ADRA2C: variants seen among roughly 807,000 people sequenced by gnomAD.
ADRA2C encodes adrenoceptor alpha 2C.
A neutral mutation model predicts 7.9 loss-of-function variants in ADRA2C; 4 were observed. That is an observed-to-expected ratio of 0.51 (90% CI 0.25 to 1.16). The LOEUF (loss-of-function observed/expected upper bound fraction) is 1.16, where lower values mean the gene tolerates loss of function less well. Among genes scored for constraint, ADRA2C ranks in the 50% most tolerant of loss-of-function variants. The probability of loss-of-function intolerance (pLI) is 0.15; values close to 1 mark genes in which losing one functional copy is unlikely to be tolerated. For missense variants in ADRA2C, 589 were observed against 677.7 expected (o/e 0.87, Z 1.45); for synonymous variants, 368 against 328.9 (o/e 1.12, Z -1.29).
Position 3,767,889 on chromosome 4 carries a change from G to A in ADRA2C, c.1283G>A (p.Cys428Tyr), listed in dbSNP as rs1486770975. ...LFKFFFWIGY[C>Y]NSSLNPVIYT... ...AAGTTCTTCTTCTGGATCGGCTACT[G>A]CAACAGCTCGCTCAACCCGGTCATC... Residue 428 changes from cysteine (C) to tyrosine (Y), a missense_variant, in exon 1 of 1, where the codon TGC (cysteine) becomes TAC (tyrosine). Transcript: ENST00000330055. 3 of 1,612,424 alleles carry A rather than the reference G, an allele frequency of 1.9e-6. No homozygotes were observed. The highest frequency in any genetic ancestry group is 2.5e-6 in the Non-Finnish European group (3 of 1,179,864).
At position 3,767,545 on chromosome 4, in the gene ADRA2C, GGGCGCGGGC is replaced by G. The variant is rs1346646919; in HGVS notation, c.942_950del (p.Gly316_Ala318del). The G allele has an allele frequency of 1.8e-3, 1,908 of 1,047,200 alleles. 3 individuals carry two copies. The highest frequency in any genetic ancestry group is 2.1e-3 in the Non-Finnish European group (1,794 of 871,524). 64.9% of individuals were successfully genotyped at this position (1,047,200 alleles called of 1,614,324 possible). A position where few individuals can be genotyped will look rare whatever the true frequency, so the allele number is the denominator to read the frequency against. ...GGCGGCGGCGAGCGGGCGCGGAGGG[GGGCGCGGGC>G]GGTGCGGACGGGCAGGGGGCGGGGC... On this transcript the variant is annotated inframe_deletion, in exon 1 of 1. Transcript: ENST00000330055.
rs1210479678 is a variant in ADRA2C at position 3,767,508 on chromosome 4, TGCGGCGGGGCGGGCG to T, written c.909_923del (p.Gly304_Arg308del). 7.4e-6 allele frequency: 8 copies of T among 1,081,862 alleles called. No homozygotes were observed. The highest frequency in any genetic ancestry group is 9.0e-6 in the Non-Finnish European group (8 of 893,762). 67.0% of individuals were successfully genotyped at this position (1,081,862 alleles called of 1,614,324 possible). A position where few individuals can be genotyped will look rare whatever the true frequency, so the allele number is the denominator to read the frequency against. ...GAGAGGCGGCGGCGCCGGGGCGCGT[TGCGGCGGGGCGGGCG>T]GCGGCGAGCGGGCGCGGAGGGGGGC... On this transcript the variant is annotated inframe_deletion, in exon 1 of 1. Transcript: ENST00000330055.
Position 3,768,062 on chromosome 4 carries a change from G to GGGGTAGCTTTCCCAGAGACCC in ADRA2C, c.*70_*71insTAGCTTTCCCAGAGACCCGGG. The GGGGTAGCTTTCCCAGAGACCC allele has an allele frequency of 8.6e-7, 1 of 1,157,760 alleles. No homozygotes were observed. The highest frequency in any genetic ancestry group is 1.1e-6 in the Non-Finnish European group (1 of 879,324). The allele number at this position is 1,157,760 out of a possible 1,614,324, so 71.7% of individuals were successfully genotyped here. Reference sequence around the variant, plus strand: ...GCTGGGCAGAAGGGGCGGCCCGGACGGGGGAGCTTTCCCAGAGACCCGGGG... The same window carrying GGGGTAGCTTTCCCAGAGACCC: ...GCTGGGCAGAAGGGGCGGCCCGGACGGGGTAGCTTTCCCAGAGACCCGGGGAGCTTTCCCAGAGACCCGGGG... On this transcript the variant is annotated 3_prime_UTR_variant, in exon 1 of 1. Transcript: ENST00000330055.
Position 3,767,584 on chromosome 4 carries a change from G to A in ADRA2C, c.978G>A (p.Gly326=), listed in dbSNP as rs1357970237. 3 of 1,235,828 alleles carry A rather than the reference G, an allele frequency of 2.4e-6. No individual in the cohort carries two copies. The highest frequency in any genetic ancestry group is 1.6e-5 in the African/African-American group (1 of 62,836). The allele number at this position is 1,235,828 out of a possible 1,614,324, so 76.6% of individuals were successfully genotyped here. The change falls in exon 1 of 1, where the codon GGG becomes GGA. Residue 326 remains glycine, a synonymous_variant. Transcript: ENST00000330055. Reference sequence around the variant, plus strand: ...CGGACGGGCAGGGGGCGGGGCCGGGGGCGGCTGAGTCGGGGGCGCTGACCG... The same window carrying A: ...CGGACGGGCAGGGGGCGGGGCCGGGAGCGGCTGAGTCGGGGGCGCTGACCG... The part of the protein sequence containing the change: ...GGADGQGAGP[G]AAESGALTAS...
rs1326367731 is a variant in ADRA2C, at chr4:3,766,685, G to A, written c.79G>A (p.Gly27Ser). ...CAATGCGAGCGGCGCGGGCGAGAGG[G>A]GCAGCGGCGGGGTTGCCAATGCCTC... is the stretch of plus-strand genomic sequence containing the variant. ...GPNASGAGER[G>S]SGGVANASGA... The change falls in exon 1 of 1, where the codon GGC becomes AGC. Residue 27 changes from glycine (G) to serine (S), a missense_variant. By Grantham distance (56) the Gly-to-Ser change is moderately conservative. Transcript: ENST00000330055. This position sits in a 1 kb window ranked among gnomAD's most constrained non-coding sequence, Gnocchi z 4.5. The A allele has an allele frequency of 1.4e-6, 2 of 1,425,240 alleles. No individual in the cohort carries two copies. Among genetic ancestry groups the A allele is most frequent in the African/African-American group, 1.5e-5 (1 of 67,296 alleles). The allele number at this position is 1,425,240 out of a possible 1,614,324, so 88.3% of individuals were successfully genotyped here. A position where few individuals can be genotyped will look rare whatever the true frequency, so the allele number is the denominator to read the frequency against.
Position 3,767,690 on chromosome 4 carries a change from C to T in ADRA2C, c.1084C>T (p.Arg362Trp), listed in dbSNP as rs1170395344. 1.1e-5 allele frequency: 17 copies of T among 1,596,828 alleles called. No individual in the cohort carries two copies. The highest frequency in any genetic ancestry group is 1.4e-5 in the Non-Finnish European group (16 of 1,173,360). The part of the protein sequence containing the change: ...SVEFFLSRRR[R>W]ARSSVCRRKV... ...CGAGTTCTTCCTGTCGCGCCGGCGC[C>T]GGGCGCGCAGCAGCGTGTGCCGCCG... The change falls in exon 1 of 1, where the codon CGG becomes TGG. Residue 362 changes from arginine to tryptophan, a missense_variant. Physicochemically the swap from Arg to Trp is moderately radical, Grantham distance 101 (BLOSUM62 -3). Transcript: ENST00000330055.
rs1280720633 is a variant in ADRA2C, at chr4:3,766,732, G to A, written c.126G>A (p.Pro42=). 6.8e-7 allele frequency: 1 copy of A among 1,476,292 alleles called. No homozygotes were observed. Among genetic ancestry groups the A allele is most frequent in the South Asian group, 1.4e-5 (1 of 71,058 alleles). The allele number at this position is 1,476,292 out of a possible 1,614,324, so 91.4% of individuals were successfully genotyped here. A position where few individuals can be genotyped will look rare whatever the true frequency, so the allele number is the denominator to read the frequency against. The change falls in exon 1 of 1, where the codon CCG becomes CCA. Residue 42 remains proline, a synonymous_variant. Transcript: ENST00000330055. The surrounding 1 kb of genome is among the most constrained non-coding windows in gnomAD (Gnocchi z 4.5). The stretch of plus-strand genomic sequence containing the variant: ...CCTCGGGGGCTTCCTGGGGGCCGCC[G>A]CGCGGCCAGTACTCGGCGGGCGCGG... ...ANASGASWGP[P]RGQYSAGAVA...
rs1735498566 is a variant in ADRA2C at position 3,768,061 on chromosome 4, C to CA, written c.*66_*67insA. 8 of 1,557,020 alleles carry CA rather than the reference C, an allele frequency of 5.1e-6. No individual in the cohort carries two copies. The African/African-American group carries it at 5.4e-5, about 11-fold the overall frequency. On this transcript the variant is annotated 3_prime_UTR_variant, in exon 1 of 1. Transcript: ENST00000330055. ...GGCTGGGCAGAAGGGGCGGCCCGGA[C>CA]GGGGGAGCTTTCCCAGAGACCCGGG...
chr4:3,767,979 G>A lies in ADRA2C; in HGVS notation c.1373G>A (p.Arg458Lys), dbSNP rs550086408. The change falls in exon 1 of 1, where the codon AGG (arginine) becomes AAG (lysine). Residue 458 changes from arginine to lysine, a missense_variant. Transcript: ENST00000330055. The part of the protein sequence containing the change: ...FKHILFRRRR[R>K]GFRQ ...CACATCCTCTTCCGACGGAGGAGAAGGGGCTTCAGGCAGTGACTCGCACCC... is the reference window on the plus strand; with the variant it reads ...CACATCCTCTTCCGACGGAGGAGAAAGGGCTTCAGGCAGTGACTCGCACCC... 1.9e-4 allele frequency: 304 copies of A among 1,607,764 alleles called. 3 individuals carry two copies. The South Asian group carries it at 3.0e-3, about 16-fold the overall frequency.
Position 3,767,407 on chromosome 4 carries a change from G to A in ADRA2C, c.801G>A (p.Ala267=). The A allele has an allele frequency of 6.5e-7, 1 of 1,532,552 alleles. No individual in the cohort carries two copies. Among genetic ancestry groups the A allele is most frequent in the Non-Finnish European group, 8.7e-7 (1 of 1,144,604 alleles). The allele number at this position is 1,532,552 out of a possible 1,614,324, so 94.9% of individuals were successfully genotyped here. Residue 267 remains alanine (A), a synonymous_variant, in exon 1 of 1, where the codon GCG becomes GCA. Coordinates refer to ENST00000330055, the MANE Select transcript of ADRA2C (RefSeq NM_000683.4). The part of the protein sequence containing the change: ...SPTTENGLGA[A]AGAGENGHCA... ...CTACCGAAAACGGGCTGGGCGCGGC[G>A]GCAGGCGCAGGCGAGAACGGGCACT...
chr4:3,768,170 A>G lies in ADRA2C; in HGVS notation c.*175A>G. 1 of 744,514 alleles carries G rather than the reference A, an allele frequency of 1.3e-6. No homozygotes were observed. Among genetic ancestry groups the G allele is most frequent in the South Asian group, 1.5e-5 (1 of 65,344 alleles). The allele number at this position is 744,514 out of a possible 1,614,324, so 46.1% of individuals were successfully genotyped here. Reference sequence around the variant, plus strand: ...GATAGCCGGGCTCCAGGGAGTGGGGAGGAGAGAGGGGGAGACCCCTTTGCC... The same window carrying G: ...GATAGCCGGGCTCCAGGGAGTGGGGGGGAGAGAGGGGGAGACCCCTTTGCC... On this transcript the variant is annotated 3_prime_UTR_variant, in exon 1 of 1. Transcript: ENST00000330055.
rs1052924031 is a variant in ADRA2C at position 3,767,597 on chromosome 4, G to C, written c.991G>C (p.Gly331Arg). 7.8e-7 allele frequency: 1 copy of C among 1,288,640 alleles called. No homozygotes were observed. The highest frequency in any genetic ancestry group is 1.6e-5 in the African/African-American group (1 of 63,660). 79.8% of individuals were successfully genotyped at this position (1,288,640 alleles called of 1,614,324 possible). The change falls in exon 1 of 1, where the codon GGG (glycine) becomes CGG (arginine). Residue 331 changes from glycine to arginine, a missense_variant. By Grantham distance (125) the Gly-to-Arg change is moderately radical. Coordinates refer to ENST00000330055, the MANE Select transcript of ADRA2C (RefSeq NM_000683.4). ...QGAGPGAAES[G>R]ALTASRSPGP... Reference sequence around the variant, plus strand: ...GGCGGGGCCGGGGGCGGCTGAGTCGGGGGCGCTGACCGCCTCCAGGTCCCC... The same window carrying C: ...GGCGGGGCCGGGGGCGGCTGAGTCGCGGGCGCTGACCGCCTCCAGGTCCCC...
At position 3,766,570 on chromosome 4, in the gene ADRA2C, C is replaced by G; in HGVS notation, c.-37C>G. The G allele has an allele frequency of 1.8e-6, 2 of 1,139,008 alleles. No homozygotes were observed. Among genetic ancestry groups the G allele is most frequent in the African/African-American group, 1.6e-5 (1 of 60,966 alleles). 70.6% of individuals were successfully genotyped at this position (1,139,008 alleles called of 1,614,324 possible). A position where few individuals can be genotyped will look rare whatever the true frequency, so the allele number is the denominator to read the frequency against. On this transcript the variant is annotated 5_prime_UTR_variant, in exon 1 of 1. Transcript: ENST00000330055. The surrounding 1 kb of genome is among the most constrained non-coding windows in gnomAD (Gnocchi z 4.5). Reference sequence around the variant, plus strand: ...CGCCCGAGCTGCCGCGGCTGCGCCCCGGCTCCAGGAGGGACGGCGTAGCTC... The same window carrying G: ...CGCCCGAGCTGCCGCGGCTGCGCCCGGGCTCCAGGAGGGACGGCGTAGCTC...
chr4:3,767,647 C>G lies in ADRA2C; in HGVS notation c.1041C>G (p.Arg347=). 1 of 1,410,348 alleles carries G rather than the reference C, an allele frequency of 7.1e-7. No homozygotes were observed. The highest frequency in any genetic ancestry group is 9.2e-7 in the Non-Finnish European group (1 of 1,089,876). The allele number at this position is 1,410,348 out of a possible 1,614,324, so 87.4% of individuals were successfully genotyped here. Residue 347 remains arginine, a synonymous_variant, in exon 1 of 1, where the codon CGC becomes CGG. Transcript: ENST00000330055. The part of the protein sequence containing the change: ...RSPGPGGRLS[R]ASSRSVEFFL... ...CGGGGCCCGGTGGCCGCCTGTCGCGCGCCAGCTCGCGCTCCGTCGAGTTCT... is the reference window on the plus strand; with the variant it reads ...CGGGGCCCGGTGGCCGCCTGTCGCGGGCCAGCTCGCGCTCCGTCGAGTTCT...
chr4:3,768,241 C>G lies in ADRA2C; in HGVS notation c.*246C>G, dbSNP rs568442495. 21 of 718,364 alleles carry G rather than the reference C, an allele frequency of 2.9e-5. No homozygotes were observed. The highest frequency in any genetic ancestry group is 2.5e-4 in the South Asian group (17 of 67,608). 44.5% of individuals were successfully genotyped at this position (718,364 alleles called of 1,614,324 possible). A position where few individuals can be genotyped will look rare whatever the true frequency, so the allele number is the denominator to read the frequency against. On this transcript the variant is annotated 3_prime_UTR_variant, in exon 1 of 1. Coordinates refer to ENST00000330055, the MANE Select transcript of ADRA2C (RefSeq NM_000683.4). ...TGCTTCTGGGGCTCCCTGCCTGGAT[C>G]CAGCTCTGGGAGCCCTGCCGAGGTG...
In ADRA2C at chr4:3,768,350, C is replaced by A; in HGVS notation, c.*355C>A. The A allele has an allele frequency of 1.4e-6, 1 of 711,934 alleles. No homozygotes were observed. Among genetic ancestry groups the A allele is most frequent in the Non-Finnish European group, 2.6e-6 (1 of 382,250 alleles). 44.1% of individuals were successfully genotyped at this position (711,934 alleles called of 1,614,324 possible). A position where few individuals can be genotyped will look rare whatever the true frequency, so the allele number is the denominator to read the frequency against. ...GCAAGGAGCCCCCCAAAGACACTAC[C>A]ACTCCCCATCCCCGTCTGACCAAGG... On this transcript the variant is annotated 3_prime_UTR_variant, in exon 1 of 1. Transcript: ENST00000330055.
rs533453215 is a variant in ADRA2C at position 3,767,199 on chromosome 4, C to A, written c.593C>A (p.Ala198Asp). The change falls in exon 1 of 1, where the codon GCC becomes GAC. Residue 198 changes from alanine to aspartate, a missense_variant. By Grantham distance (126) the Ala-to-Asp change is moderately radical (BLOSUM62 -2). Coordinates refer to ENST00000330055, the MANE Select transcript of ADRA2C (RefSeq NM_000683.4). ...VSLYRQPDGA[A>D]YPQCGLNDET... ...CTCTACCGCCAGCCCGACGGCGCCG[C>A]CTACCCGCAGTGCGGCCTCAACGAC... 8.9e-5 allele frequency: 144 copies of A among 1,610,484 alleles called. No individual in the cohort carries two copies. The highest frequency in any genetic ancestry group is 3.3e-4 in the Middle Eastern group (2 of 6,062).
chr4:3,767,492 C>T lies in ADRA2C; in HGVS notation c.886C>T (p.Arg296Trp), dbSNP rs1735476192. 2.4e-5 allele frequency: 28 copies of T among 1,183,714 alleles called. No homozygotes were observed. Among genetic ancestry groups the T allele is most frequent in the Non-Finnish European group, 2.5e-5 (24 of 957,990 alleles). The allele number at this position is 1,183,714 out of a possible 1,614,324, so 73.3% of individuals were successfully genotyped here. The change falls in exon 1 of 1, where the codon CGG becomes TGG. Residue 296 changes from arginine to tryptophan, a missense_variant. Arg to Trp is a moderately radical substitution (Grantham distance 101). Coordinates refer to ENST00000330055, the MANE Select transcript of ADRA2C (RefSeq NM_000683.4). Reference protein sequence around the residue: ...DESSAAAERRRRRGALRRGGR... With the variant: ...DESSAAAERRWRRGALRRGGR... The stretch of plus-strand genomic sequence containing the variant: ...GAGCAGCGCAGCGGCCGAGAGGCGG[C>T]GGCGCCGGGGCGCGTTGCGGCGGGG...
chr4:3,768,513 C>A lies in ADRA2C; in HGVS notation c.*518C>A. 3.5e-6 allele frequency: 2 copies of A among 564,640 alleles called. No homozygotes were observed. Among genetic ancestry groups the A allele is most frequent in the Non-Finnish European group, 3.2e-6 (1 of 309,396 alleles). The allele number at this position is 564,640 out of a possible 1,614,324, so 35.0% of individuals were successfully genotyped here. A position where few individuals can be genotyped will look rare whatever the true frequency, so the allele number is the denominator to read the frequency against. On this transcript the variant is annotated 3_prime_UTR_variant, in exon 1 of 1. Coordinates refer to ENST00000330055, the MANE Select transcript of ADRA2C (RefSeq NM_000683.4). The stretch of plus-strand genomic sequence containing the variant: ...ACAACCAAACTATTTTCTAAATAAA[C>A]CTTTGTAATCTAATGTTGGGTGCCG...
Sources: gnomAD v4.1 joint callset for allele counts on GRCh38, gnomAD v4.1.1 for gene constraint, Gnocchi (gnomAD v3.1) non-coding constraint, MANE v1.5 for transcripts, NCBI Gene and HGNC (gene_info 2026-07-23, HGNC 2026-07-21) for gene names.